Variants in CNBD1 observed in about 807,000 individuals in gnomAD.
The protein encoded by CNBD1 is cyclic nucleotide binding domain containing 1.
A neutral mutation model predicts 54.4 loss-of-function variants in CNBD1; 71 were observed. That is an observed-to-expected ratio of 1.30 (90% confidence interval 1.08 to 1.59). CNBD1 has a LOEUF of 1.59. CNBD1 is among the 40% of genes most tolerant of loss of function. CNBD1 has a pLI of 0.00. For synonymous variants in CNBD1, 182 were observed against 170.7 expected, an observed-to-expected ratio of 1.07 and a Z score of -0.51; for missense variants, 659 against 518.0, an observed-to-expected ratio of 1.27 and a Z score of -2.64.
At chr8:86,889,125 G>T (rs1323367882) in intron 2 of CNBD1, among the ~76,000 whole-genome samples, 3 of 152,110 alleles carry the variant, frequency 2.0e-5, no homozygotes, top group Admixed American at 6.6e-5. Flanking sequence ...TTCTTTTGGA[G>T]CACTGGTACA....
intron 9 of CNBD1, among the ~76,000 whole-genome samples, chr8:87,352,092 A>G (rs1227919210): frequency 6.6e-6 from 1 of 152,172 alleles, no homozygotes; most frequent in African/African-American, 2.4e-5. Context: ...CTACAAACAT[A>G]CCAGATTGGC....
At chr8:87,150,337 C>T (rs564812682) in intron 4 of CNBD1, among the ~76,000 whole-genome samples, 1 of 152,134 alleles carries the variant, frequency 6.6e-6, no homozygotes, top group African/African-American at 2.4e-5. Flanking sequence ...GTCTATATGG[C>T]TTTTCACTGC....
At chr8:87,329,094 T>C (rs1429782121) in intron 8 of CNBD1, among the ~76,000 whole-genome samples, 2 of 152,104 alleles carry the variant, frequency 1.3e-5, no homozygotes, top group Non-Finnish European at 2.9e-5. Context: ...TGAGTTAATT[T>C]TTGTGAAAAG....
intron 8 of CNBD1, among the ~76,000 whole-genome samples, chr8:87,314,662 C>A (rs1385431685): frequency 6.6e-6 from 1 of 151,704 alleles, no homozygotes; most frequent in African/African-American, 2.4e-5. Context: ...AAGTCAATGA[C>A]AAAATTTTTA....
In CNBD1 at chr8:86,866,451, C is replaced by T. The variant is rs930235026; in HGVS notation, c.-45C>T. On this transcript the variant is annotated 5_prime_UTR_variant, in exon 1 of 11. Transcript: ENST00000518476. ...CTGCAGGCAAAGAGTGATCATTTGCCTCTCAAGCAGCCTCTGGTCATCTAT... is the reference window on the plus strand; with the variant it reads ...CTGCAGGCAAAGAGTGATCATTTGCTTCTCAAGCAGCCTCTGGTCATCTAT... 6.3e-6 allele frequency: 9 copies of T among 1,429,214 alleles called. No homozygotes were observed. In the Admixed American group the frequency reaches 1.1e-4, roughly 17 times the overall value. 88.5% of individuals were successfully genotyped at this position (1,429,214 alleles called of 1,614,324 possible).
rs1367762007 is a variant in CNBD1 at position 87,225,211 on chromosome 8, T to C, written c.578-11708T>C. Among the ~76,000 whole-genome samples, 3 of 148,588 alleles carry C rather than the reference T, an allele frequency of 2.0e-5. No individual in the cohort carries two copies. In the East Asian group the frequency reaches 6.0e-4, roughly 30 times the overall value. On this transcript the variant is annotated intron_variant, in intron 5 of 10. Coordinates refer to ENST00000518476, the MANE Select transcript of CNBD1 (RefSeq NM_173538.3). ...CAAACAGGGACAATTTGACTTCCTCTTTTCCTAATTGAATACCCTTTATTT... is the reference window on the plus strand; with the variant it reads ...CAAACAGGGACAATTTGACTTCCTCCTTTCCTAATTGAATACCCTTTATTT...
chr8:87,380,338 A>T (rs1363233443), intron 10 of CNBD1, among the ~76,000 whole-genome samples: 3 of 151,832 alleles, frequency 2.0e-5, no homozygotes, highest in East Asian at 3.9e-4. Flanking sequence ...ATATACATGG[A>T]TTTATTTCTG....
chr8:86,931,813 A>G (rs906506197), intron 3 of CNBD1, among the ~76,000 whole-genome samples: 2 of 152,196 alleles, frequency 1.3e-5, no homozygotes, highest in Non-Finnish European at 2.9e-5. Context: ...GTCAGGTTAC[A>G]GGGGAGTATA....
At chr8:86,912,635 T>C (rs1809117275) in intron 3 of CNBD1, among the ~76,000 whole-genome samples, 1 of 152,234 alleles carries the variant, frequency 6.6e-6, no homozygotes, top group African/African-American at 2.4e-5. Flanking sequence ...TAATGATGAC[T>C]AAAGACTATA....
chr8:86,878,467 T>TTCTG (rs5893004), intron 1 of CNBD1, among the ~76,000 whole-genome samples: 10,149 of 152,098 alleles, frequency 0.067, 463 homozygotes, highest in Middle Eastern at 0.1. Flanking sequence ...ATTCCAAAGG[T>TTCTG]TCTGTGTAGT....
At chr8:87,055,101 T>C (rs1225503778) in intron 4 of CNBD1, among the ~76,000 whole-genome samples, 2 of 152,162 alleles carry the variant, frequency 1.3e-5, no homozygotes, top group African/African-American at 2.4e-5. Flanking sequence ...GATTACGTTG[T>C]CTGGGATGTT....
intron 2 of CNBD1, among the ~76,000 whole-genome samples, chr8:87,426,638 T>C (rs1389197431): frequency 1.3e-5 from 2 of 152,208 alleles, no homozygotes; most frequent in South Asian, 2.1e-4. Flanking sequence ...TCCTGAGACA[T>C]CAATTTCTCA....
intron 8 of CNBD1, among the ~76,000 whole-genome samples, chr8:87,308,812 G>A (rs967752097): frequency 1.3e-5 from 2 of 151,880 alleles, no homozygotes; most frequent in African/African-American, 2.4e-5. Context: ...CACCTTTTTA[G>A]CTCCCACAAA....
chr8:86,964,671 C>G (rs4961002), intron 4 of CNBD1, among the ~76,000 whole-genome samples: 133,190 of 152,172 alleles, frequency 0.88, 58,458 homozygotes, highest in East Asian at 0.99. Context: ...AGGAGTGAGA[C>G]TGGGACCTGC....
chr8:87,043,296 T>G (rs1810113526), intron 4 of CNBD1, among the ~76,000 whole-genome samples: 1 of 152,146 alleles, frequency 6.6e-6, no homozygotes, highest in Non-Finnish European at 1.5e-5. Context: ...TCCTCATAGT[T>G]GCTTACTCAT....
intron 2 of CNBD1, among the ~76,000 whole-genome samples, chr8:86,894,057 T>TTC (rs1272132522): frequency 9.7e-6 from 1 of 103,190 alleles, no homozygotes; most frequent in East Asian, 2.7e-4. Flanking sequence ...TTTTTTTTTT[T>TTC]TTTTTTTTTT....
At chr8:87,023,273 C>T (rs1391170423) in intron 4 of CNBD1, among the ~76,000 whole-genome samples, 1 of 115,620 alleles carries the variant, frequency 8.6e-6, no homozygotes, top group Non-Finnish European at 1.7e-5. Flanking sequence ...TTGATGAATC[C>T]ATAAGATGGA....
intron 4 of CNBD1, among the ~76,000 whole-genome samples, chr8:87,086,402 CT>C (rs1490530421): frequency 2.6e-5 from 4 of 152,140 alleles, no homozygotes; most frequent in African/African-American, 9.7e-5. Flanking sequence ...TGAAGATTAG[CT>C]TTTTCTGATT....
chr8:87,378,677 C>T (rs935058309), intron 10 of CNBD1, among the ~76,000 whole-genome samples: 5 of 150,636 alleles, frequency 3.3e-5, no homozygotes, highest in South Asian at 4.2e-4. Context: ...GTAGTTTTTT[C>T]CAATTCTGCG....
Sources: allele counts gnomAD v4.1 joint callset (sites outside exome capture counted in the v4.1 genomes callset), GRCh38; gene constraint gnomAD v4.1.1; transcripts MANE v1.5; gene names NCBI Gene and HGNC (gene_info 2026-07-23, HGNC 2026-07-21).